POU2F3: variants seen among roughly 807,000 people sequenced by gnomAD.
POU2F3 encodes the protein POU domain, class 2, transcription factor 3.
Under a neutral mutation model 59.2 loss-of-function variants are expected in POU2F3, and 23 were observed. The observed-to-expected ratio is 0.39, with a 90% confidence interval of 0.28 to 0.55. The LOEUF is 0.55. POU2F3 is among the 20% of genes least tolerant of loss of function. POU2F3 has a pLI of 0.66. For synonymous variants in POU2F3, 190 were observed against 214.6 expected, an observed-to-expected ratio of 0.89 and a Z score of 1.00; for missense variants, 473 against 544.5, an observed-to-expected ratio of 0.87 and a Z score of 1.31.
At position 120,285,872 on chromosome 11, in the gene POU2F3, AT is replaced by A. The variant is rs371726666; in HGVS notation, c.133-12391del. Among the ~76,000 whole-genome samples the A allele has an allele frequency of 1.1e-3, 157 of 148,306 alleles. No individual in the cohort carries two copies. Among genetic ancestry groups the A allele is most frequent in the African/African-American group, 3.5e-3 (144 of 40,604 alleles). On this transcript the variant is annotated intron_variant, in intron 3 of 12. Coordinates refer to ENST00000543440, the MANE Select transcript of POU2F3 (RefSeq NM_014352.4). This position sits in a 1 kb window ranked among gnomAD's most constrained non-coding sequence, Gnocchi z 4.3. ...TTTGTTAATGACCACATAATGTTCT[AT>A]TGTTTGGGGGTTTTTCTGTTTTTTT...
intron 2 of POU2F3, chr11:120,259,080 C>T (rs1359690472): frequency 6.6e-6 from 1 of 152,270 alleles, no homozygotes; most frequent in Non-Finnish European, 1.5e-5. Context: ...TCCTCTGTCC[C>T]CTGTGGCATG....
At chr11:120,267,221 C>T (rs1289205257) in intron 2 of POU2F3, among the ~76,000 whole-genome samples, 5 of 151,884 alleles carry the variant, frequency 3.3e-5, no homozygotes, top group Non-Finnish European at 7.4e-5. Flanking sequence ...CTCCGCCTCC[C>T]GGGTTCAAGA....
intron 3 of POU2F3, among the ~76,000 whole-genome samples, chr11:120,288,661 G>T (rs1401007246): frequency 2.0e-5 from 3 of 152,196 alleles, no homozygotes; most frequent in African/African-American, 7.2e-5. Flanking sequence ...TTTGTAAACT[G>T]CAGAACATCA....
rs189789433 is a variant in POU2F3, at chr11:120,295,568, G to C, written c.133-2697G>C. ...AAACCTTAAAGTTGTAGTGGTGGTG[G>C]TCATTTTGAAATAAGTAGTTTATCA... On this transcript the variant is annotated intron_variant, in intron 3 of 12. Transcript: ENST00000543440. Among the ~76,000 whole-genome samples the C allele has an allele frequency of 2.2e-4, 34 of 152,354 alleles. 1 individual carries two copies. The East Asian group carries it at 4.2e-3, about 19-fold the overall frequency.
chr11:120,243,291 G>A (rs1054170657), intron 1 of POU2F3, among the ~76,000 whole-genome samples: 1 of 152,190 alleles, frequency 6.6e-6, no homozygotes, highest in Non-Finnish European at 1.5e-5. Context: ...GACACTAGGA[G>A]AGAGGGCTGT....
At chr11:120,270,486 G>A (rs1226694584) in intron 3 of POU2F3, among the ~76,000 whole-genome samples, 1 of 152,200 alleles carries the variant, frequency 6.6e-6, no homozygotes, top group African/African-American at 2.4e-5. Flanking sequence ...GTCTCTGAAG[G>A]ATGAGTAGGA....
chr11:120,274,297 C>T (rs1421506790), intron 3 of POU2F3, among the ~76,000 whole-genome samples: 1 of 152,192 alleles, frequency 6.6e-6, no homozygotes, highest in Non-Finnish European at 1.5e-5. Flanking sequence ...ATAGTGATAT[C>T]TGTCTCACGG....
intron 7 of POU2F3, 186 bp from the exon 8 acceptor site, chr11:120,305,458 A>G (rs939335564): frequency 2.0e-6 from 2 of 1,024,342 alleles, no homozygotes; most frequent in African/African-American, 3.2e-5. Flanking sequence ...GTCCACTGAG[A>G]GTCTAAGGAG....
chr11:120,257,988 A>G (rs1375756896), intron 2 of POU2F3, among the ~76,000 whole-genome samples: 3 of 152,190 alleles, frequency 2.0e-5, no homozygotes, highest in African/African-American at 7.2e-5. Flanking sequence ...CCTTATGCGT[A>G]AGATGTATTG....
chr11:120,298,265 A>G lies in POU2F3; in HGVS notation c.133A>G (p.Ile45Val). 3.7e-6 allele frequency: 6 copies of G among 1,611,512 alleles called. No homozygotes were observed. Among genetic ancestry groups the G allele is most frequent in the Non-Finnish European group, 5.1e-6 (6 of 1,179,106 alleles). ...GCTCTCCTCTTGCTTCCACTTGCAGATTAAAACCGAAGATCTCAGTGACTC... is the reference window on the plus strand; with the variant it reads ...GCTCTCCTCTTGCTTCCACTTGCAGGTTAAAACCGAAGATCTCAGTGACTC... ...DRNGLDFNRQ[I>V]KTEDLSDSLQ... Residue 45 changes from isoleucine (I) to valine (V), a missense_variant and splice_region_variant, in exon 4 of 13, where the codon ATT becomes GTT. Coordinates refer to ENST00000543440, the MANE Select transcript of POU2F3 (RefSeq NM_014352.4).
chr11:120,307,909 A>G (rs548927062), intron 9 of POU2F3, among the ~76,000 whole-genome samples: 1 of 152,328 alleles, frequency 6.6e-6, no homozygotes, highest in East Asian at 1.9e-4. Context: ...GGGTCCCAGA[A>G]CACAGTGTAT....
intron 5 of POU2F3, among the ~76,000 whole-genome samples, chr11:120,300,287 G>C (rs1248554441): frequency 2.0e-5 from 3 of 152,188 alleles, no homozygotes; most frequent in Admixed American, 6.5e-5. Flanking sequence ...AGCATGATGT[G>C]CCAGGAGCTC....
chr11:120,243,850 A>T (rs971196760), intron 1 of POU2F3, among the ~76,000 whole-genome samples: 4 of 152,224 alleles, frequency 2.6e-5, no homozygotes, highest in Admixed American at 1.3e-4. Context: ...TGTTGATCCC[A>T]TAATGGATAC....
chr11:120,242,179 C>T (rs953149381), intron 1 of POU2F3, among the ~76,000 whole-genome samples: 1 of 152,196 alleles, frequency 6.6e-6, no homozygotes, highest in African/African-American at 2.4e-5. Context: ...GGTCTTGGCC[C>T]CTCTGTAGTG....
At chr11:120,239,979 C>T (rs557479622), upstream of POU2F3, among the ~76,000 whole-genome samples, 2 of 152,306 alleles carry the variant, frequency 1.3e-5, no homozygotes, top group East Asian at 1.9e-4. Context: ...AGGTGTTCCG[C>T]GGGATCGAGA....
At chr11:120,259,598 A>T (rs553207776) in intron 2 of POU2F3, among the ~76,000 whole-genome samples, 1 of 152,160 alleles carries the variant, frequency 6.6e-6, no homozygotes, top group Admixed American at 6.5e-5. Flanking sequence ...CCTGGGTCCT[A>T]TTCTTCAGGT....
upstream of POU2F3, among the ~76,000 whole-genome samples, chr11:120,237,675 G>C (rs1938535334): frequency 6.6e-6 from 1 of 152,194 alleles, no homozygotes; most frequent in Non-Finnish European, 1.5e-5. Context: ...TGCAAATAGA[G>C]ATATGGAAAT....
chr11:120,261,841 C>T lies in POU2F3; in HGVS notation c.98-7369C>T, dbSNP rs576778109. Reference sequence around the variant, plus strand: ...GGAGGTCACTTGAGATCCCCTTTGACGCTATCAAATTGACTCATCAATTCA... The same window carrying T: ...GGAGGTCACTTGAGATCCCCTTTGATGCTATCAAATTGACTCATCAATTCA... On this transcript the variant is annotated intron_variant, in intron 2 of 12. Transcript: ENST00000543440. 1.4e-4 allele frequency among the ~76,000 whole-genome samples: 22 copies of T among 152,330 alleles called. 1 individual carries two copies. The highest frequency in any genetic ancestry group is 4.1e-4 in the South Asian group (2 of 4,830).
chr11:120,238,627 G>A (rs1363337192), upstream of POU2F3, among the ~76,000 whole-genome samples: 1 of 151,922 alleles, frequency 6.6e-6, no homozygotes, highest in Non-Finnish European at 1.5e-5. Context: ...ACGAGGTCAG[G>A]AGATCGAGAC....
Sources: gnomAD v4.1 joint callset for allele counts (sites outside exome capture counted in the v4.1 genomes callset) on GRCh38, gnomAD v4.1.1 for gene constraint, Gnocchi (gnomAD v3.1) non-coding constraint, MANE v1.5 for transcripts, NCBI Gene and HGNC (gene_info 2026-07-23, HGNC 2026-07-21) for gene names.